The following KLC1 variants were observed in gnomAD, a reference collection of about 807,000 sequenced individuals.
KLC1 encodes kinesin light chain 1, also known as kinesin 2 60/70kDa.
In KLC1, 30 loss-of-function variants were observed where a neutral mutation model predicts 84.2. The ratio of observed to expected loss-of-function variants is 0.36; its 90% CI spans 0.27 to 0.48. The LOEUF is 0.48. Ranked by LOEUF, KLC1 falls within the 20% of genes least tolerant of loss-of-function variation. The pLI is 0.99. For missense variants in KLC1, 499 were observed against 805.4 expected, an observed-to-expected ratio of 0.62 and a Z score of 4.60; for synonymous variants, 289 against 293.3, an observed-to-expected ratio of 0.99 and a Z score of 0.15.
At chr14:103,685,044 C>T (rs1451476551) in intron 13 of KLC1, 21 of 1,540,208 alleles carry the variant, frequency 1.4e-5, no homozygotes, top group Admixed American at 9.8e-5. Context: ...ATGGTGAGTC[C>T]GAGCGGGCGG....
chr14:103,640,715 A>G (rs909441933), intron 1 of KLC1, among the ~76,000 whole-genome samples: 44 of 151,916 alleles, frequency 2.9e-4, no homozygotes, highest in African/African-American at 9.9e-4. Flanking sequence ...TGTTTTTATC[A>G]AGTTATATAT....
At chr14:103,646,412 C>T (rs980196621) in intron 1 of KLC1, among the ~76,000 whole-genome samples, 61 of 152,106 alleles carry the variant, frequency 4.0e-4, no homozygotes, top group Non-Finnish European at 2.2e-4. Context: ...GCCATCTTCC[C>T]ACTTCAGCCT....
At chr14:103,690,097 T>C (rs1277838073) in intron 14 of KLC1, among the ~76,000 whole-genome samples, 1 of 151,368 alleles carries the variant, frequency 6.6e-6, no homozygotes, top group Non-Finnish European at 1.5e-5. Flanking sequence ...GGAGAATCAC[T>C]GGAACCCAGT....
At chr14:103,659,355 A>G (rs1448534582) in intron 3 of KLC1, among the ~76,000 whole-genome samples, 4 of 152,162 alleles carry the variant, frequency 2.6e-5, no homozygotes, top group Non-Finnish European at 5.9e-5. Context: ...CCTCCTCTCA[A>G]GTTTCCAATG....
chr14:103,659,006 T>C (rs569214298), intron 3 of KLC1, among the ~76,000 whole-genome samples: 1 of 145,360 alleles, frequency 6.9e-6, no homozygotes, highest in East Asian at 2.1e-4. Flanking sequence ...AGACGAAGTC[T>C]CGCTTTTGTA....
chr14:103,642,829 G>A (rs1404304709), intron 1 of KLC1, among the ~76,000 whole-genome samples: 3 of 150,222 alleles, frequency 2.0e-5, no homozygotes, highest in Non-Finnish European at 3.0e-5. Context: ...GTGCAGTGGC[G>A]TGATCTCGGC....
At chr14:103,666,893 C>T (rs563933625) in intron 5 of KLC1, among the ~76,000 whole-genome samples, 2 of 151,730 alleles carry the variant, frequency 1.3e-5, no homozygotes, top group South Asian at 2.1e-4. Flanking sequence ...TCTCCTGCCT[C>T]AGCCTCCCTA....
chr14:103,659,616 C>T (rs916970963), intron 3 of KLC1, among the ~76,000 whole-genome samples: 1 of 152,186 alleles, frequency 6.6e-6, no homozygotes, highest in Non-Finnish European at 1.5e-5. Context: ...TTTTTAAATA[C>T]CTGTATGATG....
chr14:103,641,115 G>A lies in KLC1; in HGVS notation c.-2+11621G>A, dbSNP rs150305984. Reference sequence around the variant, plus strand: ...AATTTTTGTACTTTTAGTAGAGATGGGGTTTTGCCATGTTGGCCATGCTGG... The same window carrying A: ...AATTTTTGTACTTTTAGTAGAGATGAGGTTTTGCCATGTTGGCCATGCTGG... On this transcript the variant is annotated intron_variant, in intron 1 of 16. Coordinates refer to ENST00000334553, the MANE Select transcript of KLC1 (RefSeq NM_001394837.1). Among the ~76,000 whole-genome samples, 935 of 152,134 alleles carry A rather than the reference G, an allele frequency of 6.1e-3. 8 individuals are homozygous for A. Among genetic ancestry groups the A allele is most frequent in the Middle Eastern group, 0.014 (4 of 294 alleles).
In KLC1 at chr14:103,657,615, C is replaced by T. The variant is rs984553492; in HGVS notation, c.331C>T (p.Arg111Cys). The T allele has an allele frequency of 1.2e-6, 2 of 1,614,164 alleles. No individual in the cohort carries two copies. Among genetic ancestry groups the T allele is most frequent in the Non-Finnish European group, 8.5e-7 (1 of 1,180,034 alleles). The change falls in exon 3 of 17, where the codon CGT becomes TGT. Residue 111 changes from arginine (R) to cysteine (C), a missense_variant. Physicochemically the swap from Arg to Cys is radical, Grantham distance 180. Coordinates refer to ENST00000334553, the MANE Select transcript of KLC1 (RefSeq NM_001394837.1). ...GAAGCAGAAACTGCGTGCGCAGGTTCGTCGTCTGTGCCAGGAGAATCAGTG... is the reference window on the plus strand; with the variant it reads ...GAAGCAGAAACTGCGTGCGCAGGTTTGTCGTCTGTGCCAGGAGAATCAGTG... ...SEKQKLRAQV[R>C]RLCQENQWLR...
chr14:103,667,225 C>T (rs1448752617), intron 5 of KLC1, among the ~76,000 whole-genome samples: 1 of 152,182 alleles, frequency 6.6e-6, no homozygotes, highest in African/African-American at 2.4e-5. Flanking sequence ...GATTCTTCTG[C>T]CTCAGGCTCC....
intron 15 of KLC1, chr14:103,696,324 G>C: frequency 3.0e-6 from 3 of 985,320 alleles, no homozygotes; most frequent in Non-Finnish European, 2.4e-6. Flanking sequence ...CGGGTGGCAC[G>C]GGGCACTCTC....
At chr14:103,687,019 T>C (rs1339846081) in intron 13 of KLC1, 62 bp from the exon 14 acceptor site, 2 of 1,409,272 alleles carry the variant, frequency 1.4e-6, no homozygotes, top group East Asian at 2.7e-5. Context: ...GCACCCGGTG[T>C]GGCTCTTGTG....
chr14:103,653,925 T>A (rs1490227181), intron 1 of KLC1, among the ~76,000 whole-genome samples: 1 of 152,206 alleles, frequency 6.6e-6, no homozygotes, highest in Non-Finnish European at 1.5e-5. Context: ...TTCCTCCCCC[T>A]TTTCTTTCTC....
intron 14 of KLC1, among the ~76,000 whole-genome samples, chr14:103,692,101 A>G (rs769572305): frequency 6.6e-6 from 1 of 152,198 alleles, no homozygotes; most frequent in Non-Finnish European, 1.5e-5. Context: ...GTGCAAGTCT[A>G]AGGACATTTT....
intron 1 of KLC1, among the ~76,000 whole-genome samples, chr14:103,630,448 C>T (rs183066872): frequency 8.2e-4 from 124 of 152,098 alleles, no homozygotes; most frequent in Admixed American, 1.2e-3. Context: ...AATGTGAGAA[C>T]AAAAAATTTG....
intron 15 of KLC1, 135 bp from the exon 16 acceptor site, chr14:103,700,520 G>A: frequency 1.6e-6 from 1 of 623,982 alleles, no homozygotes; most frequent in Non-Finnish European, 2.7e-6. Flanking sequence ...CCAGATGGAG[G>A]CTGCTAAGGG....
chr14:103,638,857 G>C (rs1409975060), intron 1 of KLC1, among the ~76,000 whole-genome samples: 1 of 151,734 alleles, frequency 6.6e-6, no homozygotes, highest in East Asian at 1.9e-4. Context: ...TGAGCACAGT[G>C]GTGCATATGT....
intron 13 of KLC1, chr14:103,685,809 G>A: frequency 4.1e-6 from 5 of 1,207,356 alleles, no homozygotes; most frequent in Non-Finnish European, 5.3e-6. Context: ...CCTTTTTGGG[G>A]GGGTTCCTGA....
Sources: gnomAD v4.1 joint callset for allele counts (sites outside exome capture counted in the v4.1 genomes callset) on GRCh38, gnomAD v4.1.1 for gene constraint, MANE v1.5 for transcripts, NCBI Gene and HGNC (gene_info 2026-07-23, HGNC 2026-07-21) for gene names.